VAT1L: variants seen among roughly 807,000 people sequenced by gnomAD.
VAT1L encodes putative NADPH-dependent quinone oxidoreductase VAT1L.
A neutral mutation model predicts 44.1 loss-of-function variants in VAT1L; 34 were observed. The observed-to-expected ratio is 0.77, with a 90% confidence interval of 0.59 to 1.03. VAT1L has a LOEUF of 1.03. VAT1L is among the 50% of genes least tolerant of loss of function. The probability of loss-of-function intolerance (pLI) is 0.00; values close to 1 mark genes in which losing one functional copy is unlikely to be tolerated. For missense variants in VAT1L, 615 were observed against 538.8 expected (o/e 1.14, Z -1.40); for synonymous variants, 253 against 202.2 (o/e 1.25, Z -2.13).
chr16:77,846,057 T>A (rs2016755586), intron 3 of VAT1L, among the ~76,000 whole-genome samples: 1 of 152,112 alleles, frequency 6.6e-6, no homozygotes, highest in East Asian at 1.9e-4. Context: ...TATCACAGGG[T>A]CTGGGATGGA....
chr16:77,901,324 C>T (rs755302279), intron 7 of VAT1L, among the ~76,000 whole-genome samples: 3 of 151,792 alleles, frequency 2.0e-5, no homozygotes, highest in African/African-American at 4.8e-5. Context: ...CCACCATGCC[C>T]GGCTAATTTT....
At chr16:77,964,953 G>A (rs902835399) in intron 7 of VAT1L, among the ~76,000 whole-genome samples, 4 of 152,010 alleles carry the variant, frequency 2.6e-5, no homozygotes, top group Middle Eastern at 6.8e-3. Flanking sequence ...ACCATGCCCG[G>A]CTAATTTTGT....
chr16:77,861,170 C>A (rs1385519733), intron 3 of VAT1L, among the ~76,000 whole-genome samples: 1 of 152,148 alleles, frequency 6.6e-6, no homozygotes, highest in East Asian at 1.9e-4. Context: ...CTGATTTAGT[C>A]CGCCAGCATG....
chr16:77,865,473 A>G (rs1431553007), intron 4 of VAT1L, among the ~76,000 whole-genome samples: 1 of 152,196 alleles, frequency 6.6e-6, no homozygotes, highest in African/African-American at 2.4e-5. Context: ...AGATCCAGCA[A>G]TGCCATCTTG....
intron 7 of VAT1L, among the ~76,000 whole-genome samples, chr16:77,908,232 C>CT (rs761946872): frequency 6.9e-6 from 1 of 145,198 alleles, no homozygotes; most frequent in Non-Finnish European, 1.5e-5. Flanking sequence ...GAGTGAGACT[C>CT]TGTCTCAAAA....
At chr16:77,976,065 A>G (rs1031395095) in intron 8 of VAT1L, among the ~76,000 whole-genome samples, 3 of 152,254 alleles carry the variant, frequency 2.0e-5, no homozygotes, top group Admixed American at 6.5e-5. Context: ...ACTATGTATT[A>G]TAATATACAC....
chr16:77,875,149 G>T (rs1177357870), intron 4 of VAT1L, among the ~76,000 whole-genome samples: 1 of 152,168 alleles, frequency 6.6e-6, no homozygotes, highest in Non-Finnish European at 1.5e-5. Context: ...TAGGCAGGAA[G>T]CTAAGCTGAT....
chr16:77,802,114 C>G (rs968183378), intron 1 of VAT1L, among the ~76,000 whole-genome samples: 1 of 152,200 alleles, frequency 6.6e-6, no homozygotes, highest in East Asian at 1.9e-4. Context: ...CCTCCCACCG[C>G]TTTGAGCCTC....
intron 7 of VAT1L, among the ~76,000 whole-genome samples, chr16:77,950,862 A>T (rs1252654753): frequency 6.6e-6 from 1 of 152,174 alleles, no homozygotes; most frequent in Non-Finnish European, 1.5e-5. Flanking sequence ...ACTGTTTATC[A>T]CTGGTAATCA....
chr16:77,802,977 T>G (rs765124099), intron 1 of VAT1L, among the ~76,000 whole-genome samples: 11 of 152,178 alleles, frequency 7.2e-5, no homozygotes, highest in African/African-American at 9.7e-5. Flanking sequence ...CCAGCAATGA[T>G]TTCTTTCGTG....
intron 1 of VAT1L, among the ~76,000 whole-genome samples, chr16:77,794,575 A>C (rs2145205055): frequency 6.6e-6 from 1 of 152,378 alleles, no homozygotes; most frequent in Middle Eastern, 3.4e-3. Flanking sequence ...GTCACCAGTA[A>C]GGTTGATGCA....
chr16:77,877,074 A>T (rs927825394), intron 5 of VAT1L, among the ~76,000 whole-genome samples: 3 of 152,144 alleles, frequency 2.0e-5, no homozygotes, highest in Non-Finnish European at 2.9e-5. Flanking sequence ...CTCTTTCTAC[A>T]TTCACTTCTA....
chr16:77,892,316 G>A, intron 7 of VAT1L: 1 of 290,148 alleles, frequency 3.4e-6, no homozygotes, highest in East Asian at 8.4e-5. Flanking sequence ...TCAACTAGCT[G>A]GCATGGACCC....
At chr16:77,858,076 A>G (rs75422403) in intron 3 of VAT1L, among the ~76,000 whole-genome samples, 4,882 of 152,294 alleles carry the variant, frequency 0.032, 118 homozygotes, top group East Asian at 0.12. Context: ...CAGGTTCTGC[A>G]CTGGGCACAG....
intron 1 of VAT1L, among the ~76,000 whole-genome samples, chr16:77,794,374 G>T (rs2015890478): frequency 6.6e-6 from 1 of 152,146 alleles, no homozygotes; most frequent in African/African-American, 2.4e-5. Context: ...TGCTTTGGGG[G>T]ATCCATCTAG....
At chr16:77,906,923 A>G (rs2017443308) in intron 7 of VAT1L, among the ~76,000 whole-genome samples, 1 of 152,170 alleles carries the variant, frequency 6.6e-6, no homozygotes, top group Non-Finnish European at 1.5e-5. Flanking sequence ...ATTTAAAGTG[A>G]TGTAGAAGAG....
chr16:77,833,312 G>A (rs919750481), intron 3 of VAT1L, among the ~76,000 whole-genome samples: 1 of 152,196 alleles, frequency 6.6e-6, no homozygotes, highest in African/African-American at 2.4e-5. Flanking sequence ...AAGGTGATAT[G>A]AGTATTGAGA....
chr16:77,910,547 G>C (rs905720000), intron 7 of VAT1L, among the ~76,000 whole-genome samples: 1 of 151,872 alleles, frequency 6.6e-6, no homozygotes, highest in African/African-American at 2.4e-5. Context: ...GGTGGCGGCT[G>C]CCTGCAGTCC....
intron 7 of VAT1L, among the ~76,000 whole-genome samples, chr16:77,899,143 A>G (rs1012413362): frequency 1.3e-5 from 2 of 151,774 alleles, no homozygotes; most frequent in African/African-American, 4.8e-5. Context: ...GGAAAGAACT[A>G]TTATTGCCCC....
Sources: gnomAD v4.1 joint callset for allele counts (sites outside exome capture counted in the v4.1 genomes callset) on GRCh38, gnomAD v4.1.1 for gene constraint, MANE v1.5 for transcripts, NCBI Gene and HGNC (gene_info 2026-07-23, HGNC 2026-07-21) for gene names.